Variants in ENPP2 observed in about 807,000 individuals in gnomAD.
ENPP2 encodes ectonucleotide pyrophosphatase/phosphodiesterase 2, also known as autotaxin.
ENPP2 carries 51 observed loss-of-function variants against 120.2 expected under a neutral mutation model. The observed-to-expected ratio is 0.42, with a 90% confidence interval of 0.34 to 0.54. The LOEUF is 0.54. Ranked by LOEUF, ENPP2 falls within the 20% of genes least tolerant of loss-of-function variation. The pLI is 0.04. For synonymous variants in ENPP2, 365 were observed against 366.4 expected, an observed-to-expected ratio of 1.00 and a Z score of 0.04; for missense variants, 920 against 1,066.5, an observed-to-expected ratio of 0.86 and a Z score of 1.91.
intron 9 of ENPP2, 105 bp downstream of exon 9, chr8:119,607,817 T>C: frequency 1.4e-6 from 1 of 733,582 alleles, no homozygotes; most frequent in Non-Finnish European, 2.2e-6. Context: ...TCAAAAGTTC[T>C]ATATTTTCAC....
At chr8:119,665,182 C>A (rs1366530363) in intron 1 of ENPP2, among the ~76,000 whole-genome samples, 3 of 152,182 alleles carry the variant, frequency 2.0e-5, no homozygotes, top group Non-Finnish European at 4.4e-5. Flanking sequence ...TTCTAAGGAA[C>A]TGGGGATTAT....
At chr8:119,634,229 T>C (rs941550733) in intron 2 of ENPP2, among the ~76,000 whole-genome samples, 4 of 145,048 alleles carry the variant, frequency 2.8e-5, no homozygotes, top group East Asian at 2.0e-4. Flanking sequence ...CATACATACA[T>C]ACACACAATG....
At chr8:119,643,719 G>A (rs371785657), upstream of ENPP2, among the ~76,000 whole-genome samples, 40 of 152,278 alleles carry the variant, frequency 2.6e-4, no homozygotes, top group East Asian at 6.4e-3. Flanking sequence ...CATTAATCAA[G>A]TAGACACAGA....
chr8:119,644,029 A>G (rs1817358055), intron 1 of ENPP2, among the ~76,000 whole-genome samples: 1 of 147,722 alleles, frequency 6.8e-6, no homozygotes, highest in Non-Finnish European at 1.5e-5. Context: ...AAGTGAGTAT[A>G]GAGAGAAGTG....
At chr8:119,580,574 C>T (rs898414458) in intron 18 of ENPP2, 5 of 186,344 alleles carry the variant, frequency 2.7e-5, no homozygotes, top group Non-Finnish European at 5.6e-5. Context: ...AAAGCTAAAA[C>T]GTAATGACTC....
chr8:119,641,969 A>G (rs1360780572), upstream of ENPP2, among the ~76,000 whole-genome samples: 2 of 152,202 alleles, frequency 1.3e-5, no homozygotes. Context: ...GATCTTATCC[A>G]CTGAGAGGAG....
chr8:119,616,383 C>A lies in ENPP2; in HGVS notation c.659G>T (p.Gly220Val). The change falls in exon 8 of 25, where the codon GGG becomes GTG. Residue 220 changes from glycine (G) to valine (V), a missense_variant and splice_region_variant. Physicochemically the swap from Gly to Val is moderately radical, Grantham distance 109 (BLOSUM62 -3). Transcript: ENST00000075322. Reference sequence around the variant, plus strand: ...AATTCCATGTGATTCTGGATATAGCCCCTTTTTGTAAAAGCAAATTTATTG... The same window carrying A: ...AATTCCATGTGATTCTGGATATAGCACCTTTTTGTAAAAGCAAATTTATTG... ...TFPNLYTLAT[G>V]LYPESHGIVG... 1 of 1,589,026 alleles carries A rather than the reference C, an allele frequency of 6.3e-7. No homozygotes were observed. Among genetic ancestry groups the A allele is most frequent in the Non-Finnish European group, 8.6e-7 (1 of 1,162,270 alleles).
rs182493157 is a variant in ENPP2, at chr8:119,564,610, G to A, written c.2264+213C>T. 3.3e-5 allele frequency among the ~76,000 whole-genome samples: 5 copies of A among 151,904 alleles called. No homozygotes were observed. In the South Asian group the frequency reaches 6.3e-4, roughly 19 times the overall value. On this transcript the variant is annotated intron_variant, in intron 23 of 24. Transcript: ENST00000075322. ...GGAGAATCACTTGAACCCAGGAGGC[G>A]GAGGTTGCAGTGAGCCGAGATCACA...
intron 3 of ENPP2, 37 bp downstream of exon 3, chr8:119,626,528 T>C: frequency 6.3e-6 from 10 of 1,589,686 alleles, no homozygotes; most frequent in Non-Finnish European, 8.6e-6. Flanking sequence ...CTTTAAGCCA[T>C]CTACTTGAAG....
intron 1 of ENPP2, among the ~76,000 whole-genome samples, chr8:119,662,336 ATAAAG>A (rs746212780): frequency 2.0e-5 from 3 of 152,218 alleles, no homozygotes; most frequent in African/African-American, 4.8e-5. Context: ...TAAATAAACA[ATAAAG>A]TAAATTGCAT....
Position 119,586,056 on chromosome 8 carries a change from A to G in ENPP2, c.1367+130T>C, listed in dbSNP as rs1269656372. On this transcript the variant is annotated intron_variant, in intron 15 of 24. Coordinates refer to ENST00000075322, the MANE Select transcript of ENPP2 (RefSeq NM_001040092.3). ...GCACTGATGGTTTATGTAGCCCACA[A>G]AATCTTTGGAAACAGTGAGATTTCC... The G allele has an allele frequency of 3.9e-6, 4 of 1,032,678 alleles. No homozygotes were observed. In the African/African-American group the frequency reaches 6.4e-5, roughly 17 times the overall value. 64.0% of individuals were successfully genotyped at this position (1,032,678 alleles called of 1,614,324 possible).
At chr8:119,583,865 A>C in intron 16 of ENPP2, 61 bp from the exon 17 acceptor site, 1 of 1,371,040 alleles carries the variant, frequency 7.3e-7, no homozygotes, top group Non-Finnish European at 1.0e-6. Context: ...CCCTTCCTCT[A>C]TTTATGAATA....
In ENPP2 at chr8:119,629,537, C is replaced by A. The variant is rs566595059; in HGVS notation, c.137-2817G>T. On this transcript the variant is annotated intron_variant, in intron 2 of 24. Coordinates refer to ENST00000075322, the MANE Select transcript of ENPP2 (RefSeq NM_001040092.3). ...GTCTTAAAGTCAGAGTCATCCAATC[C>A]CAGCCTTTATGGCATCAGATCAGTT... Among the ~76,000 whole-genome samples the A allele has an allele frequency of 9.9e-5, 15 of 152,268 alleles. No individual in the cohort carries two copies. In the East Asian group the frequency reaches 2.9e-3, roughly 29 times the overall value.
chr8:119,567,845 A>G (rs1043884417), intron 22 of ENPP2, among the ~76,000 whole-genome samples: 2 of 152,366 alleles, frequency 1.3e-5, no homozygotes, highest in South Asian at 2.1e-4. Context: ...ACCATATTAG[A>G]AGAAAAACAC....
At chr8:119,581,761 T>C (rs369892933) in intron 18 of ENPP2, among the ~76,000 whole-genome samples, 22 of 142,352 alleles carry the variant, frequency 1.5e-4, no homozygotes, top group African/African-American at 5.3e-4. Context: ...TTTTTTCATT[T>C]CCTTTTTTTT....
Position 119,562,936 on chromosome 8 carries a change from G to A in ENPP2, c.2342C>T (p.Pro781Leu). Residue 781 changes from proline to leucine, a missense_variant, in exon 24 of 25, where the codon CCT becomes CTT. Transcript: ENST00000075322. ...IITSCLDFTQ[P>L]ADKCDGPLSV... ...GAGAGGGCCGTCACACTTGTCGGCA[G>A]GCTGAGTGAAATCCAGACAGCTGGT... The A allele has an allele frequency of 3.1e-6, 5 of 1,614,166 alleles. No homozygotes were observed. The highest frequency in any genetic ancestry group is 4.2e-6 in the Non-Finnish European group (5 of 1,180,004).
chr8:119,557,801 A>G, intron 24 of ENPP2, 110 bp from the exon 25 acceptor site: 1 of 850,286 alleles, frequency 1.2e-6, no homozygotes, highest in Non-Finnish European at 1.8e-6. Flanking sequence ...TTGCACACAG[A>G]GCCAACGCAT....
intron 24 of ENPP2, among the ~76,000 whole-genome samples, chr8:119,557,912 T>G (rs1458071624): frequency 6.6e-6 from 1 of 152,198 alleles, no homozygotes; most frequent in Non-Finnish European, 1.5e-5. Context: ...AGCAATTAAC[T>G]GTACCAAATA....
chr8:119,637,206 G>C (rs765055886), intron 2 of ENPP2, among the ~76,000 whole-genome samples: 13 of 152,064 alleles, frequency 8.5e-5, no homozygotes, highest in African/African-American at 3.1e-4. Context: ...CCTTTGAAGA[G>C]AGCATTTGCT....
Sources: allele counts gnomAD v4.1 joint callset (sites outside exome capture counted in the v4.1 genomes callset), GRCh38; gene constraint gnomAD v4.1.1; transcripts MANE v1.5; gene names NCBI Gene and HGNC (gene_info 2026-07-23, HGNC 2026-07-21).